The following GPC3 variants were observed in gnomAD, a reference collection of about 807,000 sequenced individuals.
The protein encoded by GPC3 is glypican 3, also known as glypican-3.
A neutral mutation model predicts 34.4 loss-of-function variants in GPC3; 3 were observed. The observed-to-expected ratio is 0.09, with a 90% confidence interval of 0.04 to 0.23. The LOEUF is 0.23. GPC3 is among the 10% of genes least tolerant of loss of function. GPC3 has a pLI of 1.00. For missense variants in GPC3, 351 were observed against 445.6 expected, an observed-to-expected ratio of 0.79 and a Z score of 1.91; for synonymous variants, 177 against 174.0, an observed-to-expected ratio of 1.02 and a Z score of -0.13.
intron 1 of GPC3, among the ~76,000 whole-genome samples, chrX:133,973,169 G>A (rs2076500579): frequency 9.0e-6 from 1 of 111,654 alleles, no homozygotes; most frequent in African/African-American, 3.2e-5. Flanking sequence ...CAGAGTATGG[G>A]AATTTAAGTC....
intron 7 of GPC3, among the ~76,000 whole-genome samples, chrX:133,593,868 G>A (rs113444318): frequency 1.8e-5 from 2 of 111,294 alleles, no homozygotes; most frequent in African/African-American, 6.5e-5. Context: ...GCTGAGGTGG[G>A]TGGATCACCT....
intron 2 of GPC3, among the ~76,000 whole-genome samples, chrX:133,928,380 T>C (rs886519414): frequency 1.8e-5 from 2 of 111,942 alleles, no homozygotes; most frequent in Non-Finnish European, 3.8e-5. Flanking sequence ...CAATGAACAT[T>C]GGGAGTGCAG....
At chrX:133,585,289 CT>C (rs1197955032) in intron 7 of GPC3, among the ~76,000 whole-genome samples, 2 of 111,619 alleles carry the variant, frequency 1.8e-5, no homozygotes, top group Non-Finnish European at 3.8e-5. Flanking sequence ...TTTAAGGGGC[CT>C]TATGGAAAGT....
chrX:133,839,178 G>A (rs2075812672), intron 2 of GPC3, among the ~76,000 whole-genome samples: 1 of 111,512 alleles, frequency 9.0e-6, no homozygotes, highest in African/African-American at 3.3e-5. Flanking sequence ...TGCTGGAAGG[G>A]CCTTACTGGC....
intron 2 of GPC3, among the ~76,000 whole-genome samples, chrX:133,883,161 A>G (rs1480788038): frequency 4.5e-5 from 5 of 111,457 alleles, no homozygotes; most frequent in Non-Finnish European, 5.6e-5. Flanking sequence ...AAACCTGCAA[A>G]AGGTTAAAAA....
chrX:133,595,457 T>C (rs770651866), intron 7 of GPC3, among the ~76,000 whole-genome samples: 1 of 111,923 alleles, frequency 8.9e-6, no homozygotes, highest in Non-Finnish European at 1.9e-5. Flanking sequence ...ATTTAAGGAA[T>C]TTTTGTTGTT....
intron 6 of GPC3, among the ~76,000 whole-genome samples, chrX:133,656,592 T>A (rs1012039769): frequency 9.8e-5 from 11 of 112,553 alleles, no homozygotes; most frequent in Non-Finnish European, 1.9e-5. Flanking sequence ...ATGGCAGAAT[T>A]ATCATTCATA....
chrX:133,822,696 C>G (rs2075725309), intron 2 of GPC3, among the ~76,000 whole-genome samples: 1 of 111,306 alleles, frequency 9.0e-6, no homozygotes, highest in Non-Finnish European at 1.9e-5. Flanking sequence ...TAAGGAGGGA[C>G]TACTATATCA....
chrX:133,932,833 T>G (rs1046000231), intron 2 of GPC3, among the ~76,000 whole-genome samples: 5 of 111,284 alleles, frequency 4.5e-5, no homozygotes, highest in African/African-American at 1.6e-4. Flanking sequence ...TGGACCCCAG[T>G]TAAGAACCAA....
chrX:133,895,648 T>C (rs2076108195), intron 2 of GPC3, among the ~76,000 whole-genome samples: 1 of 111,557 alleles, frequency 9.0e-6, no homozygotes, highest in Non-Finnish European at 1.9e-5. Flanking sequence ...GCCTTCATTA[T>C]CAAGTATAAG....
intron 4 of GPC3, among the ~76,000 whole-genome samples, chrX:133,695,014 T>A (rs746553097): frequency 6.3e-5 from 7 of 111,524 alleles, no homozygotes; most frequent in Non-Finnish European, 1.1e-4. Flanking sequence ...CACATCACTA[T>A]GAAGAAATAC....
intron 5 of GPC3, among the ~76,000 whole-genome samples, chrX:133,680,150 A>G (rs1209028013): frequency 1.8e-5 from 2 of 111,920 alleles, no homozygotes; most frequent in Non-Finnish European, 3.8e-5. Flanking sequence ...AAGCTAGCCA[A>G]TGGCTCTTTT....
chrX:133,697,778 T>A (rs1168856385), intron 4 of GPC3, among the ~76,000 whole-genome samples: 1 of 112,279 alleles, frequency 8.9e-6, no homozygotes, highest in Admixed American at 9.4e-5. Context: ...GTTGATTCAC[T>A]CAGGACATAC....
chrX:133,796,272 G>A (rs1038480854), intron 2 of GPC3, among the ~76,000 whole-genome samples: 7 of 111,892 alleles, frequency 6.3e-5, no homozygotes, highest in Non-Finnish European at 1.1e-4. Flanking sequence ...ACACATCAAC[G>A]AAATTTCATT....
intron 2 of GPC3, among the ~76,000 whole-genome samples, chrX:133,793,940 CT>C (rs1352299524): frequency 2.7e-5 from 3 of 111,562 alleles, no homozygotes; most frequent in African/African-American, 9.8e-5. Context: ...GTTGGGCCCC[CT>C]GATAGTGCCG....
chrX:133,940,571 T>G (rs1303158506), intron 2 of GPC3, among the ~76,000 whole-genome samples: 2 of 111,643 alleles, frequency 1.8e-5, no homozygotes, highest in Admixed American at 1.9e-4. Context: ...TTAGTTAACT[T>G]TATTTCTCCT....
At chrX:133,782,920 A>G (rs951475622) in intron 2 of GPC3, among the ~76,000 whole-genome samples, 5 of 111,480 alleles carry the variant, frequency 4.5e-5, no homozygotes, top group African/African-American at 1.6e-4. Flanking sequence ...CAGCAAGAAG[A>G]CAGGTTAGCA....
intron 2 of GPC3, among the ~76,000 whole-genome samples, chrX:133,927,383 G>A (rs1245139438): frequency 9.0e-6 from 1 of 110,877 alleles, no homozygotes; most frequent in Admixed American, 9.6e-5. Context: ...AAATACATGG[G>A]GAAAAGTTCA....
intron 6 of GPC3, among the ~76,000 whole-genome samples, chrX:133,630,246 G>A (rs73559357): frequency 0.02 from 2,235 of 111,307 alleles, 66 homozygotes; most frequent in African/African-American, 0.069. Flanking sequence ...ACAGGCTTCA[G>A]GTCTGGAAAA....
Sources: gnomAD v4.1 joint callset for allele counts (sites outside exome capture counted in the v4.1 genomes callset) on GRCh38, gnomAD v4.1.1 for gene constraint, MANE v1.5 for transcripts, NCBI Gene and HGNC (gene_info 2026-07-23, HGNC 2026-07-21) for gene names.